The following GPC5 variants were observed in gnomAD, a reference collection of about 807,000 sequenced individuals.
The protein encoded by GPC5 is glypican-5.
In GPC5, 47 loss-of-function variants were observed where a neutral mutation model predicts 53.9. The observed-to-expected ratio is 0.87, with a 90% CI of 0.69 to 1.11. The LOEUF (loss-of-function observed/expected upper bound fraction) is 1.11. GPC5 is among the 50% of genes most tolerant of loss of function. The probability of loss-of-function intolerance (pLI) is 0.00; values close to 1 mark genes in which losing one functional copy is unlikely to be tolerated. For missense variants in GPC5, 748 were observed against 713.1 expected (o/e 1.05, Z -0.56); for synonymous variants, 286 against 263.3 (o/e 1.09, Z -0.84).
At chr13:92,694,478 C>G (rs1352943335) in intron 7 of GPC5, among the ~76,000 whole-genome samples, 2 of 152,128 alleles carry the variant, frequency 1.3e-5, no homozygotes, top group African/African-American at 4.8e-5. Flanking sequence ...TCCCTTGATG[C>G]AAGACATAGA....
At chr13:92,782,975 C>CTAAG (rs1876087221) in intron 7 of GPC5, among the ~76,000 whole-genome samples, 1 of 152,120 alleles carries the variant, frequency 6.6e-6, no homozygotes, top group Non-Finnish European at 1.5e-5. Context: ...ACCCAGTACT[C>CTAAG]CAGAATAGCT....
chr13:92,253,836 C>T (rs916043401), intron 7 of GPC5, among the ~76,000 whole-genome samples: 1 of 151,478 alleles, frequency 6.6e-6, no homozygotes. Flanking sequence ...TAAGAGAGAC[C>T]AAGATTAAAA....
chr13:91,969,257 A>G (rs923109004), intron 6 of GPC5, among the ~76,000 whole-genome samples: 4 of 152,154 alleles, frequency 2.6e-5, no homozygotes, highest in Non-Finnish European at 5.9e-5. Flanking sequence ...GTGAGCCACC[A>G]TGCCTGACCT....
intron 7 of GPC5, among the ~76,000 whole-genome samples, chr13:92,326,916 C>T (rs550780329): frequency 6.6e-6 from 1 of 152,198 alleles, no homozygotes; most frequent in African/African-American, 2.4e-5. Context: ...AAACATTTTT[C>T]TCTTGCTCAG....
chr13:91,519,961 A>C (rs971045861), intron 2 of GPC5, among the ~76,000 whole-genome samples: 3 of 152,218 alleles, frequency 2.0e-5, no homozygotes, highest in Admixed American at 1.3e-4. Flanking sequence ...AGAAAATGTA[A>C]TAAAATAAGA....
At chr13:91,893,219 A>G (rs992717342) in intron 5 of GPC5, among the ~76,000 whole-genome samples, 1 of 152,074 alleles carries the variant, frequency 6.6e-6, no homozygotes, top group Admixed American at 6.6e-5. Flanking sequence ...TGAAACATCT[A>G]GCAGAGACAA....
At chr13:91,975,519 A>C (rs1951606460) in intron 6 of GPC5, among the ~76,000 whole-genome samples, 1 of 152,252 alleles carries the variant, frequency 6.6e-6, no homozygotes, top group Non-Finnish European at 1.5e-5. Context: ...CACATGAAAA[A>C]ATGCTCATCA....
At chr13:92,801,387 G>A (rs1424946042) in intron 7 of GPC5, among the ~76,000 whole-genome samples, 1 of 151,666 alleles carries the variant, frequency 6.6e-6, no homozygotes, top group Non-Finnish European at 1.5e-5. Context: ...TGTGTTTGTG[G>A]CGATGCTGGT....
chr13:91,814,830 C>T (rs562140866), intron 5 of GPC5, among the ~76,000 whole-genome samples: 15 of 152,234 alleles, frequency 9.9e-5, no homozygotes, highest in South Asian at 8.3e-4. Flanking sequence ...CATAAGCCAC[C>T]GCACCTGGCC....
chr13:92,199,253 C>T (rs963801271), intron 7 of GPC5, among the ~76,000 whole-genome samples: 6 of 152,178 alleles, frequency 3.9e-5, no homozygotes, highest in Admixed American at 3.3e-4. Flanking sequence ...TTTTACTGCA[C>T]GGACCTGTGT....
chr13:91,830,664 C>G (rs988752866), intron 5 of GPC5, among the ~76,000 whole-genome samples: 1 of 149,878 alleles, frequency 6.7e-6, no homozygotes, highest in Non-Finnish European at 1.5e-5. Context: ...CAGCCGGTCC[C>G]TCCGTTTGGG....
chr13:91,693,947 T>C (rs2035824165), intron 3 of GPC5, 66 bp downstream of exon 3: 1 of 1,115,848 alleles, frequency 9.0e-7, no homozygotes, highest in Non-Finnish European at 1.3e-6. Flanking sequence ...TGATATACTT[T>C]AGGAAATAGT....
chr13:92,166,707 G>A (rs2042030231), intron 7 of GPC5, among the ~76,000 whole-genome samples: 1 of 152,110 alleles, frequency 6.6e-6, no homozygotes, highest in African/African-American at 2.4e-5. Flanking sequence ...GAATACCCTT[G>A]ATGAGTGATC....
chr13:92,008,185 C>G (rs879707816), intron 6 of GPC5, among the ~76,000 whole-genome samples: 1 of 151,506 alleles, frequency 6.6e-6, no homozygotes, highest in Non-Finnish European at 1.5e-5. Flanking sequence ...GCTTCAGCCT[C>G]CTGAGTAGCT....
At chr13:92,438,167 G>T (rs965859665) in intron 7 of GPC5, among the ~76,000 whole-genome samples, 1 of 151,720 alleles carries the variant, frequency 6.6e-6, no homozygotes, top group African/African-American at 2.4e-5. Flanking sequence ...GAGCAAAGTA[G>T]ACTCAGTCTA....
intron 7 of GPC5, among the ~76,000 whole-genome samples, chr13:92,255,688 G>C (rs2042721869): frequency 6.6e-6 from 1 of 152,044 alleles, no homozygotes; most frequent in Non-Finnish European, 1.5e-5. Context: ...TCTCTTAGTA[G>C]ATTTCTGAAT....
intron 3 of GPC5, among the ~76,000 whole-genome samples, chr13:91,709,712 A>G (rs2036185668): frequency 6.6e-6 from 1 of 152,256 alleles, no homozygotes; most frequent in Non-Finnish European, 1.5e-5. Flanking sequence ...TGATTTGCAG[A>G]TGCCCAAAGG....
At chr13:92,794,343 A>AT (rs1477936669) in intron 7 of GPC5, among the ~76,000 whole-genome samples, 1 of 152,024 alleles carries the variant, frequency 6.6e-6, no homozygotes, top group African/African-American at 2.4e-5. Context: ...GCCCTTCATG[A>AT]TAAAAACTCT....
chr13:91,540,852 C>T (rs992709613), intron 2 of GPC5, among the ~76,000 whole-genome samples: 3 of 151,838 alleles, frequency 2.0e-5, no homozygotes, highest in Non-Finnish European at 4.4e-5. Context: ...ACTTACTTTA[C>T]ATCCTCCAGA....
Sources: allele counts gnomAD v4.1 joint callset (sites outside exome capture counted in the v4.1 genomes callset), GRCh38; gene constraint gnomAD v4.1.1; transcripts MANE v1.5; gene names NCBI Gene and HGNC (gene_info 2026-07-23, HGNC 2026-07-21).